PTPRD: variants seen among roughly 807,000 people sequenced by gnomAD.
PTPRD encodes protein tyrosine phosphatase receptor type D.
Under a neutral mutation model 214.5 loss-of-function variants are expected in PTPRD, and 34 were observed. The ratio of observed to expected loss-of-function variants is 0.16; its 90% CI spans 0.12 to 0.21. The LOEUF (loss-of-function observed/expected upper bound fraction) is 0.21. Among genes scored for constraint, PTPRD ranks in the 10% least tolerant of loss-of-function variants. The pLI is 1.00. For synonymous variants in PTPRD, 1,128 were observed against 845.7 expected, an observed-to-expected ratio of 1.33 and a Z score of -5.79; for missense variants, 2,545 against 2,398.7, an observed-to-expected ratio of 1.06 and a Z score of -1.27.
At chr9:8,437,440 C>T (rs1395897114) in intron 34 of PTPRD, among the ~76,000 whole-genome samples, 9 of 152,114 alleles carry the variant, frequency 5.9e-5, no homozygotes, top group African/African-American at 4.8e-5. Context: ...AGGTGACTGA[C>T]ATTCACATGC....
At chr9:10,474,245 G>T (rs185599624) in intron 2 of PTPRD, among the ~76,000 whole-genome samples, 2 of 151,144 alleles carry the variant, frequency 1.3e-5, no homozygotes, top group East Asian at 3.9e-4. Flanking sequence ...CCCATCTCAC[G>T]TTCAAAGACA....
chr9:8,756,916 A>T (rs12344813), intron 11 of PTPRD, among the ~76,000 whole-genome samples: 7,695 of 152,156 alleles, frequency 0.051, 484 homozygotes, highest in African/African-American at 0.15. Context: ...CGAGGTGGGC[A>T]GATCACTTGA....
intron 3 of PTPRD, among the ~76,000 whole-genome samples, chr9:10,277,352 T>C (rs1007164435): frequency 8.5e-5 from 13 of 152,230 alleles, no homozygotes; most frequent in African/African-American, 3.1e-4. Context: ...TTTTCCAAAA[T>C]AATCTTCCAT....
intron 2 of PTPRD, among the ~76,000 whole-genome samples, chr9:10,560,383 G>C (rs997610120): frequency 6.7e-6 from 1 of 149,672 alleles, no homozygotes; most frequent in Non-Finnish European, 1.5e-5. Context: ...ACAGGAAGGG[G>C]AACATCACAC....
At chr9:8,785,267 G>C (rs1285364355) in intron 11 of PTPRD, among the ~76,000 whole-genome samples, 1 of 152,182 alleles carries the variant, frequency 6.6e-6, no homozygotes, top group African/African-American at 2.4e-5. Flanking sequence ...CAATGAAAGA[G>C]AAACCCAGTC....
At chr9:10,304,424 G>T (rs536210102) in intron 3 of PTPRD, among the ~76,000 whole-genome samples, 3 of 152,242 alleles carry the variant, frequency 2.0e-5, no homozygotes, top group African/African-American at 7.2e-5. Context: ...GAATCAGGCA[G>T]GAGAAAGAAA....
At chr9:9,521,973 C>T (rs568137712) in intron 8 of PTPRD, among the ~76,000 whole-genome samples, 29 of 152,060 alleles carry the variant, frequency 1.9e-4, no homozygotes, top group Non-Finnish European at 3.4e-4. Context: ...GCCTGACCAA[C>T]GTGGAGAAAC....
At chr9:10,240,362 G>T (rs1331512491) in intron 3 of PTPRD, among the ~76,000 whole-genome samples, 1 of 151,800 alleles carries the variant, frequency 6.6e-6, no homozygotes, top group Non-Finnish European at 1.5e-5. Flanking sequence ...TGATAGAGAG[G>T]AAAGGGAACT....
chr9:9,474,821 G>A (rs1314851472), intron 8 of PTPRD, among the ~76,000 whole-genome samples: 5 of 151,876 alleles, frequency 3.3e-5, no homozygotes, highest in Admixed American at 2.6e-4. Context: ...ATCAATTCTA[G>A]GACTTTTTGT....
chr9:8,689,575 C>A (rs988827575), intron 12 of PTPRD, among the ~76,000 whole-genome samples: 1 of 152,072 alleles, frequency 6.6e-6, no homozygotes, highest in African/African-American at 2.4e-5. Flanking sequence ...TCTCGTAATA[C>A]GTATTCACTA....
At chr9:8,586,975 G>T (rs2093707078) in intron 14 of PTPRD, among the ~76,000 whole-genome samples, 1 of 152,020 alleles carries the variant, frequency 6.6e-6, no homozygotes, top group Admixed American at 6.6e-5. Context: ...GTGAAACCCA[G>T]TCTCTACTAA....
intron 11 of PTPRD, among the ~76,000 whole-genome samples, chr9:8,757,189 T>C (rs1275339278): frequency 1.3e-5 from 2 of 152,152 alleles, no homozygotes; most frequent in African/African-American, 4.8e-5. Flanking sequence ...ACTCTCTGTT[T>C]CTCAGATCAT....
intron 12 of PTPRD, among the ~76,000 whole-genome samples, chr9:8,655,668 T>C (rs183466774): frequency 4.1e-4 from 62 of 152,004 alleles, no homozygotes; most frequent in African/African-American, 1.1e-3. Context: ...ATGCCACATA[T>C]ATGAACTTTT....
chr9:9,492,644 A>C (rs1035893537), intron 8 of PTPRD, among the ~76,000 whole-genome samples: 5 of 152,050 alleles, frequency 3.3e-5, no homozygotes, highest in Admixed American at 3.3e-4. Context: ...AACTAGAAGG[A>C]AAGTATTCCA....
At chr9:9,789,667 G>T (rs373017074) in intron 5 of PTPRD, among the ~76,000 whole-genome samples, 12 of 151,558 alleles carry the variant, frequency 7.9e-5, no homozygotes, top group East Asian at 5.9e-4. Context: ...CGTGGTGGTG[G>T]GCGCCTGTAG....
chr9:9,001,432 C>A (rs748178946), intron 11 of PTPRD, among the ~76,000 whole-genome samples: 3 of 151,960 alleles, frequency 2.0e-5, no homozygotes, highest in African/African-American at 7.2e-5. Flanking sequence ...GGATTTAGGA[C>A]CCCAACATAG....
intron 35 of PTPRD, among the ~76,000 whole-genome samples, chr9:8,424,590 A>C (rs2094544067): frequency 6.6e-6 from 1 of 152,132 alleles, no homozygotes; most frequent in Non-Finnish European, 1.5e-5. Flanking sequence ...AACTCTATGG[A>C]AAGACTATTA....
At chr9:8,831,159 A>T (rs1285240529) in intron 11 of PTPRD, among the ~76,000 whole-genome samples, 18 of 152,092 alleles carry the variant, frequency 1.2e-4, no homozygotes, top group Admixed American at 1.1e-3. Context: ...GATACTTGAC[A>T]GTAAGAGGGA....
At chr9:9,561,971 T>G (rs2083082200) in intron 8 of PTPRD, among the ~76,000 whole-genome samples, 1 of 152,162 alleles carries the variant, frequency 6.6e-6, no homozygotes, top group Non-Finnish European at 1.5e-5. Flanking sequence ...CAACATTCAC[T>G]TTTTTAATCT....
Sources: gnomAD v4.1 joint callset for allele counts (sites outside exome capture counted in the v4.1 genomes callset) on GRCh38, gnomAD v4.1.1 for gene constraint, MANE v1.5 for transcripts, NCBI Gene and HGNC (gene_info 2026-07-23, HGNC 2026-07-21) for gene names.